The following TMEM65 variants were observed in gnomAD, a reference collection of about 807,000 sequenced individuals.
The protein encoded by TMEM65 is transmembrane protein 65.
TMEM65 carries 22 observed loss-of-function variants against 25.4 expected under a neutral mutation model. That is an observed-to-expected ratio of 0.86 (90% CI 0.62 to 1.23). TMEM65 has a LOEUF of 1.23. Among genes scored for constraint, TMEM65 ranks in the 50% most tolerant of loss-of-function variants. The pLI, the probability that TMEM65 is intolerant of heterozygous loss-of-function variation, is 0.00. For synonymous variants in TMEM65, 132 were observed against 126.2 expected (o/e 1.05, Z -0.31); for missense variants, 262 against 308.2 (o/e 0.85, Z 1.12).
chr8:124,336,451 T>C lies in TMEM65; in HGVS notation c.305-5659A>G, dbSNP rs183286241. On this transcript the variant is annotated intron_variant, in intron 1 of 6. Transcript: ENST00000297632. ...GGCACATTCCTCAAAATAGAACATATGCTGATCCACAAAACATGTTAATAA... is the reference window on the plus strand; with the variant it reads ...GGCACATTCCTCAAAATAGAACATACGCTGATCCACAAAACATGTTAATAA... 3.3e-5 allele frequency among the ~76,000 whole-genome samples: 5 copies of C among 152,100 alleles called. No individual in the cohort carries two copies. In the South Asian group the frequency reaches 8.3e-4, roughly 25 times the overall value.
chr8:124,323,395 T>C lies in TMEM65; in HGVS notation c.418-20A>G. 2 of 1,383,080 alleles carry C rather than the reference T, an allele frequency of 1.4e-6. No individual in the cohort carries two copies. Among genetic ancestry groups the C allele is most frequent in the Non-Finnish European group, 2.0e-6 (2 of 999,564 alleles). The allele number at this position is 1,383,080 out of a possible 1,614,324, so 85.7% of individuals were successfully genotyped here. A position where few individuals can be genotyped will look rare whatever the true frequency, so the allele number is the denominator to read the frequency against. On this transcript the variant is annotated intron_variant, in intron 3 of 6. Coordinates refer to ENST00000297632, the MANE Select transcript of TMEM65 (RefSeq NM_194291.3). Reference sequence around the variant, plus strand: ...GGTTCCCTGAAATATGATAAAAAATTAATCTTAAAAATTAAAGCTGAAGTG... The same window carrying C: ...GGTTCCCTGAAATATGATAAAAAATCAATCTTAAAAATTAAAGCTGAAGTG...
chr8:124,336,236 A>C (rs548971684), intron 1 of TMEM65, among the ~76,000 whole-genome samples: 5 of 152,192 alleles, frequency 3.3e-5, no homozygotes, highest in Non-Finnish European at 5.9e-5. Context: ...ACAGAATTAA[A>C]GGGCAAAACA....
intron 1 of TMEM65, among the ~76,000 whole-genome samples, chr8:124,352,897 C>T (rs560521947): frequency 2.3e-4 from 35 of 152,204 alleles, no homozygotes; most frequent in African/African-American, 7.9e-4. Context: ...GAGGCCAAGG[C>T]GGGCAGATCA....
Position 124,353,324 on chromosome 8 carries a change from G to T in TMEM65, c.304+18530C>A, listed in dbSNP as rs114999063. ...TAAATAAATATATTAAAAATAATAG[G>T]AGCTAGGAATTTCTCCATCAGAGAA... On this transcript the variant is annotated intron_variant, in intron 1 of 6. Transcript: ENST00000297632. Among the ~76,000 whole-genome samples, 314 of 152,050 alleles carry T rather than the reference G, an allele frequency of 2.1e-3. 4 individuals are homozygous for T. Among genetic ancestry groups the T allele is most frequent in the African/African-American group, 5.9e-3 (243 of 41,476 alleles).
chr8:124,367,415 C>A (rs569721220), intron 1 of TMEM65, among the ~76,000 whole-genome samples: 230 of 152,158 alleles, frequency 1.5e-3, no homozygotes, highest in Middle Eastern at 3.4e-3. Flanking sequence ...TGGAGTTGCA[C>A]TGAGCTGAGA....
chr8:124,363,159 C>T (rs879869083), intron 1 of TMEM65, among the ~76,000 whole-genome samples: 20 of 152,096 alleles, frequency 1.3e-4, no homozygotes, highest in Admixed American at 8.5e-4. Context: ...AACTTTGAGA[C>T]GTTACACAGA....
rs563969689 is a variant in TMEM65 at position 124,359,765 on chromosome 8, T to C, written c.304+12089A>G. On this transcript the variant is annotated intron_variant, in intron 1 of 6. Transcript: ENST00000297632. Reference sequence around the variant, plus strand: ...TCAAAAAAAAAAAGGAAAAAGACTATAAAGGGCAAATAAAAAGCTTAAACA... The same window carrying C: ...TCAAAAAAAAAAAGGAAAAAGACTACAAAGGGCAAATAAAAAGCTTAAACA... Among the ~76,000 whole-genome samples, 137 of 151,794 alleles carry C rather than the reference T, an allele frequency of 9.0e-4. 2 individuals are homozygous for C. The highest frequency in any genetic ancestry group is 3.2e-3 in the African/African-American group (131 of 41,384).
At chr8:124,350,463 CCT>C (rs772840896) in intron 1 of TMEM65, among the ~76,000 whole-genome samples, 2,419 of 106,056 alleles carry the variant, frequency 0.023, 71 homozygotes, top group African/African-American at 0.069. Context: ...TCTCTCTTTC[CCT>C]CTCTCTCTCT....
intron 1 of TMEM65, among the ~76,000 whole-genome samples, chr8:124,341,916 A>G (rs1457269974): frequency 6.6e-6 from 1 of 152,040 alleles, no homozygotes; most frequent in Admixed American, 6.6e-5. Flanking sequence ...CCTTATATAA[A>G]AAGACAGATA....
intron 6 of TMEM65, among the ~76,000 whole-genome samples, chr8:124,318,762 C>T (rs1317796854): frequency 6.6e-6 from 1 of 152,126 alleles, no homozygotes; most frequent in East Asian, 1.9e-4. Flanking sequence ...GTTGATCCTG[C>T]TGATGCTGGC....
At chr8:124,360,478 T>C (rs1814845785) in intron 1 of TMEM65, among the ~76,000 whole-genome samples, 1 of 151,428 alleles carries the variant, frequency 6.6e-6, no homozygotes, top group Admixed American at 6.6e-5. Flanking sequence ...TGTCTGCCTC[T>C]GTGCACCAGG....
intron 1 of TMEM65, among the ~76,000 whole-genome samples, chr8:124,335,390 A>G (rs1161255807): frequency 6.6e-6 from 1 of 152,180 alleles, no homozygotes; most frequent in African/African-American, 2.4e-5. Context: ...AGCAGTTGAA[A>G]AGTAAATTCT....
At chr8:124,356,599 T>C (rs895898930) in intron 1 of TMEM65, among the ~76,000 whole-genome samples, 3 of 152,202 alleles carry the variant, frequency 2.0e-5, no homozygotes, top group Admixed American at 2.0e-4. Context: ...AAAACTGCTC[T>C]GACAAAGACA....
At chr8:124,343,007 T>C (rs1231115779) in intron 1 of TMEM65, among the ~76,000 whole-genome samples, 1 of 152,178 alleles carries the variant, frequency 6.6e-6, no homozygotes, top group Non-Finnish European at 1.5e-5. Flanking sequence ...GTTTCTTTTA[T>C]AGGGTATTTC....
intron 1 of TMEM65, among the ~76,000 whole-genome samples, chr8:124,360,880 CTA>C (rs1470100223): frequency 6.6e-6 from 1 of 152,102 alleles, no homozygotes. Context: ...TTCTGTGTGT[CTA>C]TGTGTTAATA....
In TMEM65 at chr8:124,306,871, C is replaced by T. The variant is rs940566259; in HGVS notation, c.*7089G>A. On this transcript the variant is annotated 3_prime_UTR_variant, in exon 7 of 7. Transcript: ENST00000297632. Reference sequence around the variant, plus strand: ...GGCTGAGGCAGGAGAATCACTTGAACCCAGAAGACAGAGGTTGCAGTGAGC... The same window carrying T: ...GGCTGAGGCAGGAGAATCACTTGAATCCAGAAGACAGAGGTTGCAGTGAGC... 2.0e-5 allele frequency: 3 copies of T among 152,000 alleles called. No homozygotes were observed. Among genetic ancestry groups the T allele is most frequent in the Non-Finnish European group, 2.9e-5 (2 of 68,044 alleles). 9.4% of individuals were successfully genotyped at this position (152,000 alleles called of 1,614,324 possible).
chr8:124,339,581 G>A (rs1354499191), intron 1 of TMEM65, among the ~76,000 whole-genome samples: 1 of 151,746 alleles, frequency 6.6e-6, no homozygotes, highest in Non-Finnish European at 1.5e-5. Context: ...ATACCTCCAG[G>A]AGCACCAAGT....
chr8:124,346,741 A>G (rs1814644498), intron 1 of TMEM65, among the ~76,000 whole-genome samples: 1 of 152,218 alleles, frequency 6.6e-6, no homozygotes, highest in Non-Finnish European at 1.5e-5. Context: ...ACAAAAGTGC[A>G]GGAAGTAGAC....
intron 1 of TMEM65, among the ~76,000 whole-genome samples, chr8:124,338,348 G>A (rs1814537159): frequency 7.7e-6 from 1 of 130,146 alleles, no homozygotes; most frequent in African/African-American, 2.5e-5. Flanking sequence ...CCTTAGAATA[G>A]ATTCCTATAA....
Sources: gnomAD v4.1 joint callset for allele counts (sites outside exome capture counted in the v4.1 genomes callset) on GRCh38, gnomAD v4.1.1 for gene constraint, MANE v1.5 for transcripts, NCBI Gene and HGNC (gene_info 2026-07-23, HGNC 2026-07-21) for gene names.